The following FGF13 variants were observed in gnomAD, a reference collection of about 807,000 sequenced individuals.
The protein encoded by FGF13 is fibroblast growth factor 13, also known as fibroblast growth factor homologous factor 2.
A neutral mutation model predicts 19.5 loss-of-function variants in FGF13; 2 were observed. The ratio of observed to expected loss-of-function variants is 0.10; its 90% CI spans 0.04 to 0.32. FGF13 has a LOEUF of 0.32. FGF13 is among the 10% of genes least tolerant of loss of function. FGF13 has a pLI of 1.00. For missense variants in FGF13, 113 were observed against 192.7 expected (o/e 0.59, Z 2.45); for synonymous variants, 72 against 76.9 (o/e 0.94, Z 0.33).
intron 3 of FGF13, among the ~76,000 whole-genome samples, chrX:138,637,232 C>G (rs2089194755): frequency 8.9e-6 from 1 of 112,192 alleles, no homozygotes; most frequent in Non-Finnish European, 1.9e-5. Context: ...TGTGAAAACT[C>G]CTCTTTGTAG....
chrX:139,112,581 G>A (rs999574781), intron 1 of FGF13, among the ~76,000 whole-genome samples: 3 of 111,671 alleles, frequency 2.7e-5, no homozygotes, highest in African/African-American at 9.8e-5. Flanking sequence ...AAGACCTTAG[G>A]CCCTGGATCC....
chrX:138,645,334 C>A (rs750237073), intron 3 of FGF13, among the ~76,000 whole-genome samples: 18 of 112,086 alleles, frequency 1.6e-4, no homozygotes, highest in African/African-American at 5.8e-4. Context: ...ACTGGGTAGA[C>A]AACAGCTGTA....
chrX:138,902,319 T>C (rs1603016490), intron 1 of FGF13, among the ~76,000 whole-genome samples: 2 of 112,123 alleles, frequency 1.8e-5, no homozygotes, highest in South Asian at 7.5e-4. Flanking sequence ...TTTTGTATAA[T>C]ACAGAAATGT....
chrX:138,654,274 G>C (rs1234815862), intron 3 of FGF13, among the ~76,000 whole-genome samples: 1 of 112,327 alleles, frequency 8.9e-6, no homozygotes, highest in Non-Finnish European at 1.9e-5. Context: ...GGAATGAATG[G>C]CAGTATTTTA....
chrX:138,777,149 T>C (rs1052874315), intron 3 of FGF13, among the ~76,000 whole-genome samples: 1 of 111,309 alleles, frequency 9.0e-6, no homozygotes, highest in Non-Finnish European at 1.9e-5. Flanking sequence ...GATCAAATGG[T>C]AATTCCTCTC....
chrX:138,824,443 C>T (rs1287502444), intron 3 of FGF13, among the ~76,000 whole-genome samples: 3 of 111,602 alleles, frequency 2.7e-5, no homozygotes, highest in Non-Finnish European at 5.6e-5. Flanking sequence ...ATGCACTTGA[C>T]CTACTCACTT....
At position 138,620,840 on chromosome X, in the gene FGF13, A is replaced by G. The variant is rs924139762; in HGVS notation, c.*12010T>C. On this transcript the variant is annotated 3_prime_UTR_variant, in exon 5 of 5. Transcript: ENST00000315930. ...AGAAAGAAGCAGAGACACCTATACT[A>G]TATCAGACAAAACAGACTTAAAGTC... The G allele has an allele frequency of 4.5e-5, 5 of 111,970 alleles. No individual in the cohort carries two copies. The highest frequency in any genetic ancestry group is 9.7e-5 in the African/African-American group (3 of 30,843). 9.2% of individuals were successfully genotyped at this position (111,970 alleles called of 1,213,427 possible).
At chrX:138,957,777 C>G (rs772717847) in intron 1 of FGF13, among the ~76,000 whole-genome samples, 17 of 111,648 alleles carry the variant, frequency 1.5e-4, no homozygotes, top group African/African-American at 5.2e-4. Context: ...CTCTTTGAAG[C>G]AATTGTGAAT....
intron 3 of FGF13, among the ~76,000 whole-genome samples, chrX:138,650,158 G>A (rs1431621936): frequency 8.9e-6 from 1 of 111,914 alleles, no homozygotes; most frequent in Non-Finnish European, 1.9e-5. Flanking sequence ...CCAAAACTGA[G>A]TTCTATAGTC....
chrX:139,061,832 T>A (rs994502605), intron 1 of FGF13, among the ~76,000 whole-genome samples: 3 of 111,284 alleles, frequency 2.7e-5, no homozygotes, highest in African/African-American at 9.8e-5. Flanking sequence ...TGTTGAGTGT[T>A]TTTTTCATAT....
chrX:138,699,975 C>T (rs1221208307), intron 3 of FGF13, among the ~76,000 whole-genome samples: 1 of 111,184 alleles, frequency 9.0e-6, no homozygotes, highest in African/African-American at 3.3e-5. Context: ...TCCCTCATGA[C>T]GCCTGATAAT....
intron 1 of FGF13, among the ~76,000 whole-genome samples, chrX:138,927,609 T>A (rs1341139259): frequency 8.9e-6 from 1 of 112,360 alleles, no homozygotes; most frequent in Non-Finnish European, 1.9e-5. Context: ...AAAAAACATG[T>A]CTTCGTAATA....
At chrX:138,768,726 T>TTATATATATATGA (rs1556133290) in intron 3 of FGF13, among the ~76,000 whole-genome samples, 1 of 97,892 alleles carries the variant, frequency 1.0e-5, no homozygotes, top group Non-Finnish European at 2.0e-5. Context: ...TAAGTATATA[T>TTATATATATATGA]TATATATATA....
At chrX:139,125,188 A>G (rs2083706575) in intron 1 of FGF13, among the ~76,000 whole-genome samples, 1 of 111,905 alleles carries the variant, frequency 8.9e-6, no homozygotes, top group African/African-American at 3.2e-5. Context: ...ATTGATACAC[A>G]TCTGACTTCA....
At chrX:139,101,003 CAAG>C (rs2083508625) in intron 1 of FGF13, among the ~76,000 whole-genome samples, 1 of 111,600 alleles carries the variant, frequency 9.0e-6, no homozygotes, top group African/African-American at 3.3e-5. Context: ...AAAAATCAAG[CAAG>C]AAGAGCAATC....
intron 3 of FGF13, among the ~76,000 whole-genome samples, chrX:138,665,923 T>G (rs2089538592): frequency 9.0e-6 from 1 of 110,975 alleles, no homozygotes; most frequent in Non-Finnish European, 1.9e-5. Context: ...TCAACTAAAT[T>G]AGGGCTGACA....
chrX:139,076,562 A>G (rs2083333855), intron 1 of FGF13, among the ~76,000 whole-genome samples: 1 of 112,147 alleles, frequency 8.9e-6, no homozygotes, highest in Admixed American at 9.5e-5. Context: ...AATTTTAATG[A>G]GCTGATATTT....
At chrX:139,187,836 A>G (rs1383409540) in intron 1 of FGF13, among the ~76,000 whole-genome samples, 1 of 112,174 alleles carries the variant, frequency 8.9e-6, no homozygotes, top group East Asian at 2.8e-4. Flanking sequence ...TGAGAGTGGC[A>G]TAATTCAGGA....
At chrX:138,830,935 C>G (rs1212374982) in intron 3 of FGF13, among the ~76,000 whole-genome samples, 1 of 110,264 alleles carries the variant, frequency 9.1e-6, no homozygotes, top group Non-Finnish European at 1.9e-5. Context: ...CCAAGAGCAC[C>G]AGTGGGGCAG....
Sources: gnomAD v4.1 joint callset for allele counts (sites outside exome capture counted in the v4.1 genomes callset) on GRCh38, gnomAD v4.1.1 for gene constraint, MANE v1.5 for transcripts, NCBI Gene and HGNC (gene_info 2026-07-23, HGNC 2026-07-21) for gene names.